The following CAPZA2 variants were observed in gnomAD, a reference collection of about 807,000 sequenced individuals.
CAPZA2 encodes capping actin protein of muscle Z-line subunit alpha 2.
In CAPZA2, 13 loss-of-function variants were observed where a neutral mutation model predicts 44.0. That is an observed-to-expected ratio of 0.30 (90% CI 0.19 to 0.47). The LOEUF is 0.47. Among genes scored for constraint, CAPZA2 ranks in the 20% least tolerant of loss-of-function variants. The probability of loss-of-function intolerance (pLI) is 1.00; values close to 1 mark genes in which losing one functional copy is unlikely to be tolerated. For synonymous variants in CAPZA2, 94 were observed against 108.2 expected (o/e 0.87, Z 0.81); for missense variants, 244 against 338.6 (o/e 0.72, Z 2.19).
intron 2 of CAPZA2, among the ~76,000 whole-genome samples, chr7:116,890,777 CAAAAAAAAA>C (rs576504004): frequency 7.5e-5 from 4 of 53,434 alleles, no homozygotes; most frequent in African/African-American, 2.5e-4. Context: ...GACTCTGTCT[CAAAAAAAAA>C]AAAAAAAAAA....
intron 1 of CAPZA2, among the ~76,000 whole-genome samples, chr7:116,885,165 C>T (rs1796746924): frequency 6.6e-6 from 1 of 152,010 alleles, no homozygotes; most frequent in Non-Finnish European, 1.5e-5. Flanking sequence ...ATATTTTCTC[C>T]AGTTTGTAAA....
Position 116,920,961 on chromosome 7 carries a change from G to GA in CAPZA2, c.*3095dup, listed in dbSNP as rs532566615. On this transcript the variant is annotated 3_prime_UTR_variant, in exon 10 of 10. Coordinates refer to ENST00000361183, the MANE Select transcript of CAPZA2 (RefSeq NM_006136.3). ...CACATGAAGAGGGGCAGGGTATGAT[G>GA]ATGGTCTGTGGAATTTCAGCTGGGT... 923 of 152,532 alleles carry GA rather than the reference G, an allele frequency of 6.1e-3. 6 individuals carry two copies. Among genetic ancestry groups the GA allele is most frequent in the Non-Finnish European group, 9.9e-3 (674 of 68,214 alleles). The allele number at this position is 152,532 out of a possible 1,614,324, so 9.4% of individuals were successfully genotyped here.
intron 5 of CAPZA2, chr7:116,904,648 G>C (rs1284107294): frequency 3.2e-6 from 1 of 309,960 alleles, no homozygotes; most frequent in African/African-American, 2.2e-5. Context: ...AGCAGGATAT[G>C]GTGAGATTCT....
intron 1 of CAPZA2, among the ~76,000 whole-genome samples, chr7:116,887,184 T>G (rs1796773576): frequency 6.6e-6 from 1 of 152,240 alleles, no homozygotes; most frequent in Non-Finnish European, 1.5e-5. Flanking sequence ...TAGAAAATTT[T>G]GTCATTGATT....
intron 8 of CAPZA2, among the ~76,000 whole-genome samples, chr7:116,914,211 A>C (rs1028273184): frequency 6.6e-6 from 1 of 150,728 alleles, no homozygotes; most frequent in Non-Finnish European, 1.5e-5. Context: ...TTGTATTTTT[A>C]GTAGAGACGG....
rs946021928 is a variant in CAPZA2, at chr7:116,920,878, G to C, written c.*3011G>C. The C allele has an allele frequency of 6.6e-6, 1 of 152,272 alleles. No individual in the cohort carries two copies. The highest frequency in any genetic ancestry group is 1.5e-5 in the Non-Finnish European group (1 of 68,120). 9.4% of individuals were successfully genotyped at this position (152,272 alleles called of 1,614,324 possible). ...ACCGTGTAAAGCTGTTTGGGTGCAG[G>C]CATAGAGTAGATGAAATAAATTTCA... On this transcript the variant is annotated 3_prime_UTR_variant, in exon 10 of 10. Coordinates refer to ENST00000361183, the MANE Select transcript of CAPZA2 (RefSeq NM_006136.3).
intron 8 of CAPZA2, among the ~76,000 whole-genome samples, chr7:116,913,193 C>G (rs547397612): frequency 5.3e-5 from 8 of 152,258 alleles, no homozygotes; most frequent in Non-Finnish European, 1.0e-4. Context: ...GTATCACATA[C>G]ATGATTTCAG....
rs1475962209 is a variant in CAPZA2, at chr7:116,921,743, G to A, written c.*3876G>A. 6.6e-6 allele frequency: 1 copy of A among 152,100 alleles called. No homozygotes were observed. The highest frequency in any genetic ancestry group is 2.4e-5 in the African/African-American group (1 of 41,402). 9.4% of individuals were successfully genotyped at this position (152,100 alleles called of 1,614,324 possible). A position where few individuals can be genotyped will look rare whatever the true frequency, so the allele number is the denominator to read the frequency against. ...GAGAATGGTGTGCTTAATTAAAATT[G>A]AGGTTTTGAGGAGTTACTAGTAATG... On this transcript the variant is annotated 3_prime_UTR_variant, in exon 10 of 10. Transcript: ENST00000361183.
At chr7:116,902,335 A>G (rs1190526623) in intron 4 of CAPZA2, among the ~76,000 whole-genome samples, 1 of 152,186 alleles carries the variant, frequency 6.6e-6, no homozygotes, top group East Asian at 1.9e-4. Flanking sequence ...AATGTTTTTA[A>G]CTGTAGAATG....
intron 4 of CAPZA2, among the ~76,000 whole-genome samples, chr7:116,902,547 A>G (rs1370330157): frequency 6.6e-6 from 1 of 152,182 alleles, no homozygotes; most frequent in Admixed American, 6.5e-5. Flanking sequence ...CATTGGTGGT[A>G]ATATGGATGG....
intron 3 of CAPZA2, among the ~76,000 whole-genome samples, chr7:116,898,340 G>A (rs909736382): frequency 6.6e-6 from 1 of 151,302 alleles, no homozygotes; most frequent in African/African-American, 2.4e-5. Context: ...TTGTGTTATG[G>A]TTATGTTTAT....
At chr7:116,915,960 GT>G in intron 8 of CAPZA2, 99 bp from the exon 9 acceptor site, 2 of 782,808 alleles carry the variant, frequency 2.6e-6, no homozygotes, top group South Asian at 4.3e-5. Context: ...ATTTCCTTCT[GT>G]GTTATTTATT....
At chr7:116,889,079 C>T (rs993427544) in intron 2 of CAPZA2, among the ~76,000 whole-genome samples, 5 of 152,096 alleles carry the variant, frequency 3.3e-5, no homozygotes, top group Non-Finnish European at 5.9e-5. Context: ...CACTGGCAGA[C>T]GTTTTTATAA....
At chr7:116,866,440 G>A (rs1409766625) in intron 1 of CAPZA2, among the ~76,000 whole-genome samples, 1 of 152,114 alleles carries the variant, frequency 6.6e-6, no homozygotes, top group Admixed American at 6.5e-5. Context: ...CAAAGTGCTG[G>A]GATTACAGGC....
At chr7:116,917,609 T>TG in intron 9 of CAPZA2, 118 bp from the exon 10 acceptor site, 1 of 760,128 alleles carries the variant, frequency 1.3e-6, no homozygotes, top group Non-Finnish European at 2.3e-6. Context: ...TTTATTTGAC[T>TG]GTTTAAAAAC....
At chr7:116,914,230 C>A (rs949089809) in intron 8 of CAPZA2, among the ~76,000 whole-genome samples, 9 of 151,476 alleles carry the variant, frequency 5.9e-5, no homozygotes, top group African/African-American at 2.2e-4. Flanking sequence ...GGGGTTTCAC[C>A]GTGTTAGCCA....
intron 2 of CAPZA2, among the ~76,000 whole-genome samples, chr7:116,890,833 T>C (rs1465781758): frequency 2.5e-5 from 3 of 122,108 alleles, no homozygotes; most frequent in Admixed American, 8.3e-5. Flanking sequence ...TGAAGGTAAA[T>C]ATGATATGAA....
chr7:116,885,171 G>T (rs557600836), intron 1 of CAPZA2, among the ~76,000 whole-genome samples: 18 of 151,888 alleles, frequency 1.2e-4, no homozygotes, highest in Non-Finnish European at 2.4e-4. Flanking sequence ...TCTCCAGTTT[G>T]TAAACTTGTC....
chr7:116,906,363 T>C, intron 6 of CAPZA2, 21 bp downstream of exon 6: 1 of 1,608,888 alleles, frequency 6.2e-7, no homozygotes, highest in Non-Finnish European at 8.5e-7. Flanking sequence ...ATTTTGGATA[T>C]TGGGGAGTTT....
Sources: allele counts gnomAD v4.1 joint callset (sites outside exome capture counted in the v4.1 genomes callset), GRCh38; gene constraint gnomAD v4.1.1; transcripts MANE v1.5; gene names NCBI Gene and HGNC (gene_info 2026-07-23, HGNC 2026-07-21).